LRRC37A2: variants seen among roughly 807,000 people sequenced by gnomAD.
The protein encoded by LRRC37A2 is leucine-rich repeat-containing protein 37A2.
LRRC37A2 carries 9 observed loss-of-function variants against 68.8 expected under a neutral mutation model. The observed-to-expected ratio is 0.13, with a 90% CI of 0.08 to 0.23. LRRC37A2 has a LOEUF of 0.23. Ranked by LOEUF, LRRC37A2 falls within the 10% of genes least tolerant of loss-of-function variation. The probability of loss-of-function intolerance (pLI) is 1.00; values close to 1 mark genes in which losing one functional copy is unlikely to be tolerated. For missense variants in LRRC37A2, 168 were observed against 950.4 expected (o/e 0.18, Z 10.82); for synonymous variants, 63 against 367.6 (o/e 0.17, Z 9.48).
chr17:46,954,413 G>T, the LRRC37A2 span, among the ~76,000 whole-genome samples: 1 of 152,236 alleles, frequency 6.6e-6, no homozygotes, highest in African/African-American at 2.4e-5. Flanking sequence ...GTTGGTACCA[G>T]TACCATGCTG....
the LRRC37A2 span, among the ~76,000 whole-genome samples, chr17:47,044,032 T>G: frequency 3.0e-5 from 3 of 101,112 alleles, no homozygotes; most frequent in East Asian, 2.9e-4. Context: ...GCAACAAGAG[T>G]GAGACTCCAT....
chr17:46,822,239 A>C, the LRRC37A2 span, among the ~76,000 whole-genome samples: 2 of 151,864 alleles, frequency 1.3e-5, no homozygotes, highest in Admixed American at 6.5e-5. Context: ...GTTTTAGGCG[A>C]GCTCCCTAGA....
chr17:46,929,338 T>C, the LRRC37A2 span, among the ~76,000 whole-genome samples: 3 of 152,214 alleles, frequency 2.0e-5, no homozygotes, highest in South Asian at 2.1e-4. Context: ...TTATTGTTAG[T>C]AGTTAAGATA....
chr17:46,832,419 G>C, the LRRC37A2 span, among the ~76,000 whole-genome samples: 2 of 143,958 alleles, frequency 1.4e-5, no homozygotes, highest in Non-Finnish European at 3.1e-5. Flanking sequence ...TGGTGGAGGA[G>C]AGAAGGGAGG....
chr17:46,856,936 A>G, the LRRC37A2 span, among the ~76,000 whole-genome samples: 1 of 152,112 alleles, frequency 6.6e-6, no homozygotes, highest in Non-Finnish European at 1.5e-5. Flanking sequence ...CCACCAGCCC[A>G]TGGCTACTCC....
chr17:46,687,447 TATC>T, the LRRC37A2 span, among the ~76,000 whole-genome samples: 1 of 150,628 alleles, frequency 6.6e-6, no homozygotes, highest in Non-Finnish European at 1.5e-5. Context: ...GCAGCTTCCT[TATC>T]ATACTACAGG....
the LRRC37A2 span, among the ~76,000 whole-genome samples, chr17:46,854,806 C>A: frequency 6.6e-6 from 1 of 151,970 alleles, no homozygotes; most frequent in Non-Finnish European, 1.5e-5. Flanking sequence ...ATTACTGGTG[C>A]CCCCCATCAC....
At chr17:46,920,387 T>C in the LRRC37A2 span, among the ~76,000 whole-genome samples, 1 of 152,164 alleles carries the variant, frequency 6.6e-6, no homozygotes, top group South Asian at 2.1e-4. Context: ...CTATCTCCAG[T>C]ATCTGTGCAT....
the LRRC37A2 span, among the ~76,000 whole-genome samples, chr17:46,583,265 G>T: frequency 2.7e-5 from 2 of 73,580 alleles, 1 homozygote; most frequent in Non-Finnish European, 7.4e-5. Context: ...CGCCCGGCCA[G>T]AAGGATTTAA....
At chr17:46,971,025 T>C in the LRRC37A2 span, among the ~76,000 whole-genome samples, 11 of 152,338 alleles carry the variant, frequency 7.2e-5, no homozygotes, top group East Asian at 2.1e-3. Flanking sequence ...TTCTTTTTTT[T>C]GTTGCTATAA....
chr17:47,011,642 G>GCGAT, the LRRC37A2 span, among the ~76,000 whole-genome samples: 2 of 151,118 alleles, frequency 1.3e-5, no homozygotes, highest in African/African-American at 4.9e-5. Flanking sequence ...CTGGCCTTAA[G>GCGAT]CGATCCTCCC....
the LRRC37A2 span, among the ~76,000 whole-genome samples, chr17:46,980,320 C>CTTCCTTCTCCCT: frequency 3.6e-5 from 5 of 138,200 alleles, no homozygotes; most frequent in East Asian, 4.2e-4. Context: ...TTTCCTTCTT[C>CTTCCTTCTCCCT]TTCCTTCTCC....
chr17:46,535,065 C>A (rs8065240), intron 6 of LRRC37A2, among the ~76,000 whole-genome samples: 1 of 147,252 alleles, frequency 6.8e-6, no homozygotes, highest in African/African-American at 2.6e-5. Flanking sequence ...CAGTTATTTT[C>A]AAATTTTTTG....
chr17:46,952,592 A>C, the LRRC37A2 span: 2 of 152,224 alleles, frequency 1.3e-5, no homozygotes, highest in Non-Finnish European at 2.9e-5. Flanking sequence ...CAAAAGGAAC[A>C]TGGCTCCTTT....
the LRRC37A2 span, among the ~76,000 whole-genome samples, chr17:46,887,750 C>T: frequency 2.0e-5 from 3 of 151,106 alleles, no homozygotes; most frequent in African/African-American, 4.9e-5. Context: ...GGCGACATAG[C>T]GAGACTCCCT....
At chr17:46,844,624 C>A in the LRRC37A2 span, among the ~76,000 whole-genome samples, 4 of 152,120 alleles carry the variant, frequency 2.6e-5, no homozygotes, top group African/African-American at 4.8e-5. Flanking sequence ...AGATGGGACC[C>A]CTTTCCTCTC....
At chr17:46,820,588 G>A in the LRRC37A2 span, among the ~76,000 whole-genome samples, 1 of 152,122 alleles carries the variant, frequency 6.6e-6, no homozygotes, top group East Asian at 1.9e-4. Context: ...CCCTAGAGAT[G>A]CTCCTCATGG....
At chr17:46,950,932 G>T in the LRRC37A2 span, among the ~76,000 whole-genome samples, 3 of 152,152 alleles carry the variant, frequency 2.0e-5, no homozygotes. Flanking sequence ...GTCAGAGGGG[G>T]AAGTCACCGA....
chr17:46,955,198 C>T, the LRRC37A2 span, among the ~76,000 whole-genome samples: 5 of 150,696 alleles, frequency 3.3e-5, no homozygotes, highest in African/African-American at 2.5e-5. Flanking sequence ...CCATCAATAC[C>T]TAATTTATTG....
Sources: allele counts gnomAD v4.1 joint callset (sites outside exome capture counted in the v4.1 genomes callset), GRCh38; gene constraint gnomAD v4.1.1; transcripts MANE v1.5; gene names NCBI Gene and HGNC (gene_info 2026-07-23, HGNC 2026-07-21).